The following UBE2Q2 variants were observed in gnomAD, a reference collection of about 807,000 sequenced individuals.
UBE2Q2 encodes the protein ubiquitin-conjugating enzyme E2 Q2.
UBE2Q2 carries 54 observed loss-of-function variants against 59.9 expected under a neutral mutation model. That is an observed-to-expected ratio of 0.90 (90% CI 0.72 to 1.13). The LOEUF is 1.13. UBE2Q2 is among the 50% of genes most tolerant of loss of function. The pLI is 0.00. For missense variants in UBE2Q2, 433 were observed against 441.9 expected, an observed-to-expected ratio of 0.98 and a Z score of 0.18; for synonymous variants, 165 against 155.2, an observed-to-expected ratio of 1.06 and a Z score of -0.47.
At chr15:75,860,320 T>C (rs1897149156) in intron 3 of UBE2Q2, among the ~76,000 whole-genome samples, 1 of 152,210 alleles carries the variant, frequency 6.6e-6, no homozygotes, top group South Asian at 2.1e-4. Flanking sequence ...CTTAAGTCTG[T>C]CTGTGCTTTT....
intron 11 of UBE2Q2, chr15:75,895,243 G>T: frequency 6.6e-6 from 1 of 152,136 alleles, no homozygotes; most frequent in Non-Finnish European, 1.5e-5. Flanking sequence ...GAGTGCAATG[G>T]TACGATCTCG....
At chr15:75,880,482 TGA>T (rs1292887739) in intron 8 of UBE2Q2, among the ~76,000 whole-genome samples, 1 of 151,008 alleles carries the variant, frequency 6.6e-6, no homozygotes, top group African/African-American at 2.4e-5. Flanking sequence ...AAAATGTTAA[TGA>T]TTTTTTTTTT....
At chr15:75,862,077 G>A (rs139274462) in intron 3 of UBE2Q2, among the ~76,000 whole-genome samples, 19 of 152,298 alleles carry the variant, frequency 1.2e-4, no homozygotes, top group African/African-American at 3.6e-4. Flanking sequence ...GCACAGAAGT[G>A]GAGCTGCCAG....
chr15:75,862,814 C>CAAAA (rs71140182), intron 3 of UBE2Q2, among the ~76,000 whole-genome samples: 3 of 53,920 alleles, frequency 5.6e-5, no homozygotes, highest in African/African-American at 1.4e-4. Flanking sequence ...AACCCTATCT[C>CAAAA]AAAAAAAAAA....
At chr15:75,844,481 G>A (rs1896217627) in intron 1 of UBE2Q2, 2 of 1,551,330 alleles carry the variant, frequency 1.3e-6, no homozygotes, top group South Asian at 1.2e-5. Flanking sequence ...CCGTCGTTGC[G>A]GCAGGTGGTG....
chr15:75,852,651 TA>T (rs1433552302), intron 1 of UBE2Q2, among the ~76,000 whole-genome samples: 1 of 152,154 alleles, frequency 6.6e-6, no homozygotes, highest in African/African-American at 2.4e-5. Flanking sequence ...AAAAGAAACC[TA>T]AAAACTAAAA....
At chr15:75,876,303 G>T in intron 6 of UBE2Q2, 32 bp downstream of exon 6, 2 of 1,554,972 alleles carry the variant, frequency 1.3e-6, no homozygotes, top group South Asian at 1.1e-5. Flanking sequence ...CTCTCTTTAT[G>T]ATTCTTCTGC....
At chr15:75,888,343 T>C (rs1294814826) in intron 9 of UBE2Q2, among the ~76,000 whole-genome samples, 1 of 152,220 alleles carries the variant, frequency 6.6e-6, no homozygotes, top group Non-Finnish European at 1.5e-5. Flanking sequence ...AATAGAATCA[T>C]ATAAAATGTG....
intron 8 of UBE2Q2, among the ~76,000 whole-genome samples, chr15:75,880,484 A>T (rs969571581): frequency 7.8e-6 from 1 of 127,810 alleles, no homozygotes; most frequent in African/African-American, 2.9e-5. Context: ...AATGTTAATG[A>T]TTTTTTTTTT....
At chr15:75,852,485 A>T in intron 1 of UBE2Q2, among the ~76,000 whole-genome samples, 1 of 152,194 alleles carries the variant, frequency 6.6e-6, no homozygotes, top group East Asian at 1.9e-4. Flanking sequence ...ACATGATTTC[A>T]GTTAATTGTT....
chr15:75,899,350 A>G, intron 12 of UBE2Q2, 77 bp from the exon 13 acceptor site: 1 of 944,200 alleles, frequency 1.1e-6, no homozygotes, highest in Non-Finnish European at 1.5e-6. Flanking sequence ...AAGAGACTGT[A>G]GCTAACCTTA....
chr15:75,855,856 T>C (rs1309798423), intron 2 of UBE2Q2, among the ~76,000 whole-genome samples: 1 of 152,240 alleles, frequency 6.6e-6, no homozygotes, highest in African/African-American at 2.4e-5. Context: ...TTTCATGTTA[T>C]AAATATGTCA....
intron 11 of UBE2Q2, among the ~76,000 whole-genome samples, chr15:75,895,679 TCAAAACTATA>T (rs1225579779): frequency 6.6e-6 from 1 of 151,562 alleles, no homozygotes; most frequent in Non-Finnish European, 1.5e-5. Flanking sequence ...GAAATACAAA[TCAAAACTATA>T]CTGGGAGTCC....
At chr15:75,876,095 G>A in intron 5 of UBE2Q2, 92 bp from the exon 6 acceptor site, 1 of 1,075,334 alleles carries the variant, frequency 9.3e-7, no homozygotes. Context: ...GTTGAGTGGT[G>A]ATCCATTTTT....
chr15:75,855,765 T>C (rs1896870546), intron 2 of UBE2Q2, among the ~76,000 whole-genome samples: 1 of 152,234 alleles, frequency 6.6e-6, no homozygotes, highest in Non-Finnish European at 1.5e-5. Context: ...TCAACTTAGA[T>C]GTGCACGACT....
At chr15:75,870,365 T>A (rs1282782967) in intron 4 of UBE2Q2, among the ~76,000 whole-genome samples, 1 of 152,164 alleles carries the variant, frequency 6.6e-6, no homozygotes, top group Admixed American at 6.5e-5. Flanking sequence ...TGCGCCACTG[T>A]GCCTGGCTGT....
At chr15:75,861,873 G>A (rs558526774) in intron 3 of UBE2Q2, among the ~76,000 whole-genome samples, 2 of 152,268 alleles carry the variant, frequency 1.3e-5, no homozygotes, top group African/African-American at 4.8e-5. Context: ...TGGTTTAGAC[G>A]GTGGCAGGGA....
At chr15:75,872,260 C>A (rs1476010561) in intron 4 of UBE2Q2, among the ~76,000 whole-genome samples, 1 of 151,338 alleles carries the variant, frequency 6.6e-6, no homozygotes, top group Non-Finnish European at 1.5e-5. Context: ...AAAAGGAGGC[C>A]TATTGAATGG....
intron 2 of UBE2Q2, 43 bp from the exon 3 acceptor site, chr15:75,859,835 G>A (rs1380029572): frequency 9.1e-6 from 13 of 1,422,586 alleles, no homozygotes; most frequent in Non-Finnish European, 1.2e-5. Flanking sequence ...GTCTTCTAAG[G>A]GCTCTTTAAC....
Sources: gnomAD v4.1 joint callset for allele counts (sites outside exome capture counted in the v4.1 genomes callset) on GRCh38, gnomAD v4.1.1 for gene constraint, MANE v1.5 for transcripts, NCBI Gene and HGNC (gene_info 2026-07-23, HGNC 2026-07-21) for gene names.